The following CPNE4 variants were observed in gnomAD, a reference collection of about 807,000 sequenced individuals.
The protein encoded by CPNE4 is copine-4.
In CPNE4, 25 loss-of-function variants were observed where a neutral mutation model predicts 67.9. The observed-to-expected ratio is 0.37, with a 90% CI of 0.27 to 0.51. The LOEUF (loss-of-function observed/expected upper bound fraction) is 0.51, where lower values mean the gene tolerates loss of function less well. CPNE4 is among the 20% of genes least tolerant of loss of function. The pLI is 0.93. For missense variants in CPNE4, 464 were observed against 690.8 expected (o/e 0.67, Z 3.68); for synonymous variants, 242 against 244.9 (o/e 0.99, Z 0.11).
intron 2 of CPNE4, among the ~76,000 whole-genome samples, chr3:131,895,478 G>A (rs922326083): frequency 1.3e-4 from 19 of 151,974 alleles, no homozygotes; most frequent in Non-Finnish European, 2.4e-4. Flanking sequence ...GTTACAATGT[G>A]TCAATTAAAA....
At position 132,006,789 on chromosome 3, in the gene CPNE4, G is replaced by A. The variant is rs532749289; in HGVS notation, c.-2+27778C>T. 8.5e-4 allele frequency among the ~76,000 whole-genome samples: 130 copies of A among 152,108 alleles called. 1 individual carries two copies. The highest frequency in any genetic ancestry group is 1.6e-3 in the Non-Finnish European group (111 of 68,018). ...GTCACAATGGGGCATGACGTGCCCA[G>A]ACCGCAAAGGGGCAGTGTGGAGCAG... On this transcript the variant is annotated intron_variant, in intron 1 of 15. Transcript: ENST00000429747.
chr3:131,663,563 C>G (rs1470853659), intron 7 of CPNE4, among the ~76,000 whole-genome samples: 1 of 151,956 alleles, frequency 6.6e-6, no homozygotes, highest in Non-Finnish European at 1.5e-5. Flanking sequence ...GGCAAATGGC[C>G]TGTACCAGCA....
chr3:131,927,031 C>T (rs914784058), intron 1 of CPNE4, among the ~76,000 whole-genome samples: 1 of 152,112 alleles, frequency 6.6e-6, no homozygotes, highest in African/African-American at 2.4e-5. Context: ...GCATGCCTTG[C>T]AACTAACAAT....
intron 1 of CPNE4, among the ~76,000 whole-genome samples, chr3:131,984,533 A>C (rs967832219): frequency 6.6e-5 from 10 of 150,866 alleles, no homozygotes; most frequent in Non-Finnish European, 1.0e-4. Context: ...TGGCATGAAA[A>C]CCCTCCCATA....
chr3:131,721,542 C>G (rs1037640876), intron 3 of CPNE4, among the ~76,000 whole-genome samples: 17 of 151,938 alleles, frequency 1.1e-4, no homozygotes, highest in Admixed American at 1.0e-3. Flanking sequence ...ACTATAGGCA[C>G]CTGCCACCAC....
At chr3:131,542,440 A>G in intron 15 of CPNE4, 117 bp downstream of exon 15, 1 of 770,758 alleles carries the variant, frequency 1.3e-6, no homozygotes. Flanking sequence ...TGTAGAGCAT[A>G]GCTGGTGTTG....
intron 7 of CPNE4, among the ~76,000 whole-genome samples, chr3:131,598,852 C>A (rs577991583): frequency 6.7e-6 from 1 of 148,848 alleles, no homozygotes; most frequent in African/African-American, 2.5e-5. Flanking sequence ...TCCCCCCACC[C>A]CCCCGCCAAA....
intron 8 of CPNE4, among the ~76,000 whole-genome samples, chr3:131,582,913 C>T (rs1283871484): frequency 6.6e-6 from 1 of 152,178 alleles, no homozygotes; most frequent in Non-Finnish European, 1.5e-5. Context: ...TACTGCCAAC[C>T]TAGCGAATGT....
At chr3:131,664,361 A>C (rs1469446445) in intron 7 of CPNE4, among the ~76,000 whole-genome samples, 1 of 152,204 alleles carries the variant, frequency 6.6e-6, no homozygotes, top group African/African-American at 2.4e-5. Flanking sequence ...GATCAAATCA[A>C]ATAAAATGAT....
chr3:131,704,337 G>A (rs2081370107), intron 3 of CPNE4, among the ~76,000 whole-genome samples: 1 of 152,182 alleles, frequency 6.6e-6, no homozygotes, highest in South Asian at 2.1e-4. Flanking sequence ...TCATCCCTTG[G>A]AAGCAGATCT....
intron 1 of CPNE4, among the ~76,000 whole-genome samples, chr3:132,016,740 C>T (rs79990605): frequency 0.025 from 3,755 of 152,252 alleles, 160 homozygotes; most frequent in African/African-American, 0.085. Flanking sequence ...CTTTCTCAAA[C>T]CCACCCATCT....
intron 7 of CPNE4, among the ~76,000 whole-genome samples, chr3:131,649,531 A>G (rs1049958842): frequency 6.6e-6 from 1 of 152,218 alleles, no homozygotes; most frequent in Non-Finnish European, 1.5e-5. Flanking sequence ...AAAGGAAGCT[A>G]GAAGAACTGG....
At chr3:131,923,282 T>C (rs1367807257) in intron 1 of CPNE4, among the ~76,000 whole-genome samples, 1 of 152,216 alleles carries the variant, frequency 6.6e-6, no homozygotes, top group Non-Finnish European at 1.5e-5. Context: ...TATGTATGTA[T>C]AAAATATTGT....
At chr3:131,553,328 TCA>T (rs1936288316) in intron 12 of CPNE4, among the ~76,000 whole-genome samples, 1 of 152,144 alleles carries the variant, frequency 6.6e-6, no homozygotes, top group East Asian at 1.9e-4. Context: ...GGTGATGCTC[TCA>T]GTGCTTATCC....
rs1383585679 is a variant in CPNE4 at position 131,986,834 on chromosome 3, AAAAAAAAAC to A, written c.-2+47724_-2+47732del. On this transcript the variant is annotated intron_variant, in intron 1 of 15. Coordinates refer to ENST00000429747, the MANE Select transcript of CPNE4 (RefSeq NM_130808.3). ...CGACAGAGCGAGACTCGGTCTCAAAAAAAAAAAACAAAAAAAAACAAAAACAAACAAACA... is the reference window on the plus strand; with the variant it reads ...CGACAGAGCGAGACTCGGTCTCAAAAAAAAAAAAACAAAAACAAACAAACA... Among the ~76,000 whole-genome samples, 8 of 124,604 alleles carry A rather than the reference AAAAAAAAAC, an allele frequency of 6.4e-5. No homozygotes were observed. In the South Asian group the frequency reaches 1.1e-3, roughly 17 times the overall value. 81.7% of individuals were successfully genotyped at this position (124,604 alleles called of 152,430 possible). A position where few individuals can be genotyped will look rare whatever the true frequency, so the allele number is the denominator to read the frequency against.
chr3:131,571,240 A>ATTTC (rs1937321979), intron 10 of CPNE4, among the ~76,000 whole-genome samples: 1 of 151,920 alleles, frequency 6.6e-6, no homozygotes, highest in East Asian at 1.9e-4. Flanking sequence ...CTCCTCTGGC[A>ATTTC]TTTCTTCTCT....
intron 3 of CPNE4, among the ~76,000 whole-genome samples, chr3:131,707,545 G>T (rs982398357): frequency 6.6e-6 from 1 of 152,208 alleles, no homozygotes; most frequent in Admixed American, 6.5e-5. Context: ...CCACTACAGA[G>T]AGCTGAGTAA....
intron 15 of CPNE4, chr3:131,537,648 A>G: frequency 3.6e-6 from 1 of 274,910 alleles, no homozygotes; most frequent in Non-Finnish European, 7.2e-6. Flanking sequence ...ATAGTCCAGG[A>G]CTTAGTTTGG....
At chr3:131,653,776 C>T (rs6802393) in intron 7 of CPNE4, among the ~76,000 whole-genome samples, 30,016 of 152,092 alleles carry the variant, frequency 0.2, 4,635 homozygotes, top group African/African-American at 0.43. Flanking sequence ...GGCTTAGACA[C>T]TTGAAGTAGG....
Sources: allele counts gnomAD v4.1 joint callset (sites outside exome capture counted in the v4.1 genomes callset), GRCh38; gene constraint gnomAD v4.1.1; transcripts MANE v1.5; gene names NCBI Gene and HGNC (gene_info 2026-07-23, HGNC 2026-07-21).